Variants in GRIK3 observed in about 807,000 individuals in gnomAD.
GRIK3 encodes the protein glutamate ionotropic receptor kainate type subunit 3, also known as glutamate receptor ionotropic, kainate 3.
A neutral mutation model predicts 102.5 loss-of-function variants in GRIK3; 29 were observed. The ratio of observed to expected loss-of-function variants is 0.28; its 90% CI spans 0.21 to 0.39. The LOEUF is 0.39. GRIK3 is among the 10% of genes least tolerant of loss of function. The probability of loss-of-function intolerance (pLI) is 1.00; values close to 1 mark genes in which losing one functional copy is unlikely to be tolerated. For synonymous variants in GRIK3, 511 were observed against 504.9 expected (o/e 1.01, Z -0.16); for missense variants, 908 against 1,252.4 (o/e 0.73, Z 4.15).
intron 1 of GRIK3, among the ~76,000 whole-genome samples, chr1:36,960,289 G>A (rs1457964945): frequency 6.7e-6 from 1 of 149,906 alleles, no homozygotes; most frequent in African/African-American, 2.5e-5. Flanking sequence ...TGTGACCCAT[G>A]AGCCTGTGTA....
rs1642372335 is a variant in GRIK3 at position 36,797,033 on chromosome 1, C to T, written c.*4818G>A. 1 of 152,130 alleles carries T rather than the reference C, an allele frequency of 6.6e-6. No homozygotes were observed. The highest frequency in any genetic ancestry group is 1.5e-5 in the Non-Finnish European group (1 of 68,036). 9.4% of individuals were successfully genotyped at this position (152,130 alleles called of 1,614,324 possible). On this transcript the variant is annotated 3_prime_UTR_variant, in exon 16 of 16. Transcript: ENST00000373091. ...CATTCCTGCCCCTCCCACAGGAGGC[C>T]CTGGCGGTGCAGGACTCACCTGGCA...
intron 1 of GRIK3, among the ~76,000 whole-genome samples, chr1:36,924,462 C>T (rs1641506138): frequency 1.3e-5 from 2 of 152,144 alleles, no homozygotes; most frequent in Admixed American, 1.3e-4. Flanking sequence ...AGTTGTTTTT[C>T]TCCGCTGCTT....
chr1:36,814,508 G>GCCC (rs1642600548), intron 13 of GRIK3, among the ~76,000 whole-genome samples: 1 of 118,064 alleles, frequency 8.5e-6, no homozygotes, highest in African/African-American at 3.8e-5. Context: ...CACATACATA[G>GCCC]ACCCCCCCCC....
chr1:36,830,706 A>T (rs1640266527), intron 10 of GRIK3, among the ~76,000 whole-genome samples: 1 of 145,590 alleles, frequency 6.9e-6, no homozygotes, highest in Non-Finnish European at 1.5e-5. Context: ...CCTACTTGGG[A>T]GGCTGAGGCA....
At chr1:36,916,205 TGA>T (rs1641398718) in intron 1 of GRIK3, among the ~76,000 whole-genome samples, 1 of 152,116 alleles carries the variant, frequency 6.6e-6, no homozygotes, top group Admixed American at 6.5e-5. Flanking sequence ...ACTTTGAGCT[TGA>T]GAGAGATGAT....
chr1:37,023,607 ACATTGCT>A (rs1302937589), intron 1 of GRIK3, among the ~76,000 whole-genome samples: 4 of 152,332 alleles, frequency 2.6e-5, no homozygotes, highest in African/African-American at 7.2e-5. Context: ...TCAGACTCTG[ACATTGCT>A]CATTTTCTTT....
intron 1 of GRIK3, among the ~76,000 whole-genome samples, chr1:36,897,957 A>C (rs1480352605): frequency 6.6e-6 from 1 of 152,210 alleles, no homozygotes; most frequent in African/African-American, 2.4e-5. Context: ...AGTACTATTC[A>C]GCCATAAAAA....
In GRIK3 at chr1:36,806,892, A is replaced by AG. The variant is rs1454122630; in HGVS notation, c.2092-567dup. 6.6e-6 allele frequency among the ~76,000 whole-genome samples: 1 copy of AG among 152,112 alleles called. No homozygotes were observed. Among genetic ancestry groups the AG allele is most frequent in the African/African-American group, 2.4e-5 (1 of 41,432 alleles). ...CTCACAGAAACCACTGTGAGGGTGGAGGGGGAGAGACAGCTGCTCATCGGG... is the reference window on the plus strand; with the variant it reads ...CTCACAGAAACCACTGTGAGGGTGGAGGGGGGAGAGACAGCTGCTCATCGGG... On this transcript the variant is annotated intron_variant, in intron 13 of 15. Transcript: ENST00000373091. This position sits in a 1 kb window ranked among gnomAD's most constrained non-coding sequence, Gnocchi z 4.0.
intron 15 of GRIK3, 199 bp downstream of exon 15, chr1:36,804,788 T>G (rs1642479234): frequency 1.5e-6 from 1 of 652,804 alleles, no homozygotes; most frequent in Admixed American, 3.0e-5. Context: ...GGGCTTGGCC[T>G]GGGGTGGGGC....
At chr1:36,818,614 G>C (rs143121600) in intron 12 of GRIK3, among the ~76,000 whole-genome samples, 1 of 152,254 alleles carries the variant, frequency 6.6e-6, no homozygotes, top group African/African-American at 2.4e-5. Context: ...TCTCGCATGT[G>C]GGACAGATTT....
At position 36,919,724 on chromosome 1, in the gene GRIK3, G is replaced by A. The variant is rs9426049; in HGVS notation, c.116-28628C>T. Among the ~76,000 whole-genome samples the A allele has an allele frequency of 2.9e-4, 44 of 152,382 alleles. 2 individuals carry two copies. Among genetic ancestry groups the A allele is most frequent in the African/African-American group, 1.0e-3 (43 of 41,596 alleles). On this transcript the variant is annotated intron_variant, in intron 1 of 15. Transcript: ENST00000373091. ...GCCCGGCTGTCAGTGGACACATGGTGATGGCACCTCCACTGTGTCTCCCAC... is the reference window on the plus strand; with the variant it reads ...GCCCGGCTGTCAGTGGACACATGGTAATGGCACCTCCACTGTGTCTCCCAC...
At chr1:37,022,863 C>G (rs952571191) in intron 1 of GRIK3, among the ~76,000 whole-genome samples, 1 of 152,234 alleles carries the variant, frequency 6.6e-6, no homozygotes, top group Non-Finnish European at 1.5e-5. Flanking sequence ...ATGGCCCATA[C>G]TGGTACAGCA....
chr1:36,903,657 C>T (rs1298818930), intron 1 of GRIK3, among the ~76,000 whole-genome samples: 1 of 152,060 alleles, frequency 6.6e-6, no homozygotes, highest in African/African-American at 2.4e-5. Context: ...AGCTATCAAG[C>T]CATGAAAAGA....
At chr1:36,860,511 C>G (rs1357638766) in intron 5 of GRIK3, among the ~76,000 whole-genome samples, 1 of 152,188 alleles carries the variant, frequency 6.6e-6, no homozygotes, top group Non-Finnish European at 1.5e-5. Context: ...TTCTCTCCCC[C>G]TTTTCCCCCG....
chr1:36,949,617 C>A (rs1194645569), intron 1 of GRIK3, among the ~76,000 whole-genome samples: 1 of 139,306 alleles, frequency 7.2e-6, no homozygotes, highest in Admixed American at 7.4e-5. Flanking sequence ...TCTGTTGCCC[C>A]AGGCTGGAGT....
Position 36,988,220 on chromosome 1 carries a change from G to C in GRIK3, c.115+45774C>G, listed in dbSNP as rs368651044. On this transcript the variant is annotated intron_variant, in intron 1 of 15. Transcript: ENST00000373091. ...ACATGAGAATAGCTTGAACTCAGGAGGTGGAGGTTGCAGTGAGCCGAGGTC... is the reference window on the plus strand; with the variant it reads ...ACATGAGAATAGCTTGAACTCAGGACGTGGAGGTTGCAGTGAGCCGAGGTC... Among the ~76,000 whole-genome samples the C allele has an allele frequency of 5.3e-5, 8 of 152,336 alleles. No homozygotes were observed. In the East Asian group the frequency reaches 1.5e-3, roughly 29 times the overall value.
chr1:36,875,708 C>G (rs574726975), intron 3 of GRIK3, among the ~76,000 whole-genome samples: 3 of 152,226 alleles, frequency 2.0e-5, no homozygotes, highest in Non-Finnish European at 4.4e-5. Flanking sequence ...GGTGAGTGAT[C>G]CAGGTGAACC....
chr1:36,846,850 A>G (rs1478338861), intron 9 of GRIK3, among the ~76,000 whole-genome samples: 1 of 152,204 alleles, frequency 6.6e-6, no homozygotes, highest in Admixed American at 6.5e-5. Flanking sequence ...GGGAGCGAGC[A>G]TCTCTCCTCA....
intron 9 of GRIK3, chr1:36,849,831 A>G (rs1024787272): frequency 1.3e-5 from 2 of 155,722 alleles, no homozygotes; most frequent in African/African-American, 4.8e-5. Context: ...GATTCCAGGC[A>G]GGGGGTGTGG....
Sources: gnomAD v4.1 joint callset for allele counts (sites outside exome capture counted in the v4.1 genomes callset) on GRCh38, gnomAD v4.1.1 for gene constraint, Gnocchi (gnomAD v3.1) non-coding constraint, MANE v1.5 for transcripts, NCBI Gene and HGNC (gene_info 2026-07-23, HGNC 2026-07-21) for gene names.